LHCGR: variants seen among roughly 807,000 people sequenced by gnomAD.
The protein encoded by LHCGR is lutropin-choriogonadotropic hormone receptor.
LHCGR carries 55 observed loss-of-function variants against 60.7 expected under a neutral mutation model. The observed-to-expected ratio is 0.91, with a 90% CI of 0.73 to 1.13. The LOEUF is 1.13. LHCGR is among the 50% of genes most tolerant of loss of function. The pLI, the probability that LHCGR is intolerant of heterozygous loss-of-function variation, is 0.00. For synonymous variants in LHCGR, 337 were observed against 316.5 expected (o/e 1.06, Z -0.69); for missense variants, 862 against 836.0 (o/e 1.03, Z -0.38).
intron 10 of LHCGR, among the ~76,000 whole-genome samples, chr2:48,689,456 G>C (rs2104360869): frequency 6.6e-6 from 1 of 152,288 alleles, no homozygotes; most frequent in East Asian, 1.9e-4. Flanking sequence ...TGGTGGACTT[G>C]TTTGCACTTA....
chr2:48,712,240 C>T (rs1469485352), intron 7 of LHCGR, among the ~76,000 whole-genome samples: 1 of 152,058 alleles, frequency 6.6e-6, no homozygotes, highest in South Asian at 2.1e-4. Context: ...AGTTAGTAGT[C>T]AATGTGCAGT....
At chr2:48,746,451 C>G (rs1669709348) in intron 1 of LHCGR, among the ~76,000 whole-genome samples, 1 of 152,158 alleles carries the variant, frequency 6.6e-6, no homozygotes, top group South Asian at 2.1e-4. Context: ...TTAAATATTT[C>G]AACTCTAGAG....
intron 3 of LHCGR, among the ~76,000 whole-genome samples, chr2:48,726,248 C>T (rs1395037478): frequency 6.6e-6 from 1 of 152,180 alleles, no homozygotes; most frequent in Non-Finnish European, 1.5e-5. Context: ...AGGGCAAAAG[C>T]CAGAGGCTTG....
rs140148170 is a variant in LHCGR, at chr2:48,698,774, G to A, written c.707C>T (p.Ala236Val). The A allele has an allele frequency of 1.3e-4, 213 of 1,613,968 alleles. No individual in the cohort carries two copies. The highest frequency in any genetic ancestry group is 6.6e-4 in the Middle Eastern group (4 of 6,058). The part of the protein sequence containing the change: ...TLDISSTKLQ[A>V]LPSYGLESIQ... ...GGACTCTAGGCCATAGCTCGGCAGG[G>A]CCTGCAATTTGGTGGAAGAAATATC... Residue 236 changes from alanine (A) to valine (V), a missense_variant, in exon 9 of 11, where the codon GCC becomes GTC. Ala to Val is a moderately conservative substitution (Grantham distance 64, BLOSUM62 0). Coordinates refer to ENST00000294954, the MANE Select transcript of LHCGR (RefSeq NM_000233.4).
At chr2:48,692,460 G>A (rs983739407) in intron 10 of LHCGR, among the ~76,000 whole-genome samples, 3 of 152,252 alleles carry the variant, frequency 2.0e-5, no homozygotes, top group Middle Eastern at 3.4e-3. Flanking sequence ...TTTATCTTTG[G>A]ACTAAATGCC....
chr2:48,748,458 G>C lies in LHCGR; in HGVS notation c.161+7053C>G, dbSNP rs1308093778. 2.6e-5 allele frequency among the ~76,000 whole-genome samples: 4 copies of C among 152,170 alleles called. No homozygotes were observed. In the South Asian group the frequency reaches 8.3e-4, roughly 32 times the overall value. Reference sequence around the variant, plus strand: ...GGAGGTATGTGTCAGGGGCAGCTAAGTTTGGGCTGAAAAGGCCAGAAATTA... The same window carrying C: ...GGAGGTATGTGTCAGGGGCAGCTAACTTTGGGCTGAAAAGGCCAGAAATTA... On this transcript the variant is annotated intron_variant, in intron 1 of 10. Transcript: ENST00000294954.
At chr2:48,691,540 T>G (rs1666826926) in intron 10 of LHCGR, among the ~76,000 whole-genome samples, 1 of 152,138 alleles carries the variant, frequency 6.6e-6, no homozygotes, top group Admixed American at 6.6e-5. Context: ...GATCATAAAT[T>G]TCTTAGCATT....
At chr2:48,721,590 G>C in intron 6 of LHCGR, 1 of 416,558 alleles carries the variant, frequency 2.4e-6, no homozygotes, top group South Asian at 1.8e-5. Flanking sequence ...CAAAGTAAAA[G>C]TACTATACAA....
chr2:48,708,935 C>G lies in LHCGR; in HGVS notation c.680+13G>C. On this transcript the variant is annotated intron_variant, in intron 8 of 10. Transcript: ENST00000294954. Reference sequence around the variant, plus strand: ...CACTGGGCAGGGAGGGGAGGCAGCACCATTCTACTCACAAGGTTTTCGGCC... The same window carrying G: ...CACTGGGCAGGGAGGGGAGGCAGCAGCATTCTACTCACAAGGTTTTCGGCC... 2 of 1,610,698 alleles carry G rather than the reference C, an allele frequency of 1.2e-6. No individual in the cohort carries two copies. Among genetic ancestry groups the G allele is most frequent in the Admixed American group, 1.7e-5 (1 of 60,010 alleles).
At chr2:48,708,056 A>G (rs1031577736) in intron 8 of LHCGR, among the ~76,000 whole-genome samples, 2 of 152,160 alleles carry the variant, frequency 1.3e-5, no homozygotes, top group Admixed American at 1.3e-4. Context: ...AGTCCCAATG[A>G]GATGAACCAG....
intron 7 of LHCGR, among the ~76,000 whole-genome samples, chr2:48,711,872 T>G (rs1043616954): frequency 1.3e-5 from 2 of 152,196 alleles, no homozygotes; most frequent in Non-Finnish European, 2.9e-5. Flanking sequence ...CAGATGAACC[T>G]TCTTTAAGCA....
At chr2:48,744,549 C>A (rs1294524059) in intron 1 of LHCGR, among the ~76,000 whole-genome samples, 4 of 86,652 alleles carry the variant, frequency 4.6e-5, no homozygotes, top group Non-Finnish European at 6.8e-5. Flanking sequence ...CGCATATCTA[C>A]AACTATCTGA....
intron 10 of LHCGR, among the ~76,000 whole-genome samples, chr2:48,693,729 A>G (rs956645316): frequency 6.6e-6 from 1 of 152,238 alleles, no homozygotes; most frequent in African/African-American, 2.4e-5. Flanking sequence ...TAAAACAGAG[A>G]TGTAGCTTCC....
intron 10 of LHCGR, among the ~76,000 whole-genome samples, chr2:48,693,218 G>A (rs1046730926): frequency 4.6e-5 from 7 of 152,128 alleles, no homozygotes; most frequent in African/African-American, 1.7e-4. Context: ...TGCGAGAAAA[G>A]GAAAAGAAGA....
At chr2:48,747,978 A>G (rs1045719161) in intron 1 of LHCGR, among the ~76,000 whole-genome samples, 1 of 152,058 alleles carries the variant, frequency 6.6e-6, no homozygotes, top group Non-Finnish European at 1.5e-5. Flanking sequence ...GCCAGAACTG[A>G]GCTTAGGGGA....
At chr2:48,729,892 G>A (rs746424465) in intron 2 of LHCGR, among the ~76,000 whole-genome samples, 2 of 152,098 alleles carry the variant, frequency 1.3e-5, no homozygotes, top group Admixed American at 6.6e-5. Flanking sequence ...TTGGCACAGC[G>A]TTAAGAGTAC....
intron 1 of LHCGR, among the ~76,000 whole-genome samples, chr2:48,735,900 T>C (rs1315833336): frequency 1.3e-5 from 2 of 152,134 alleles, no homozygotes; most frequent in Non-Finnish European, 2.9e-5. Context: ...TGGAGGTGAT[T>C]GGATCAAGGG....
Position 48,687,759 on chromosome 2 carries a change from A to G in LHCGR, c.2038T>C (p.Leu680=), listed in dbSNP as rs1175258059. 6.2e-7 allele frequency: 1 copy of G among 1,614,182 alleles called. No homozygotes were observed. The highest frequency in any genetic ancestry group is 8.5e-7 in the Non-Finnish European group (1 of 1,180,016). Residue 680 remains leucine, a synonymous_variant, in exon 11 of 11, where the codon TTG becomes CTG. Coordinates refer to ENST00000294954, the MANE Select transcript of LHCGR (RefSeq NM_000233.4). ...SNKPSQSTLK[L]STLHCQGTAL... Reference sequence around the variant, plus strand: ...GTACCTTGACAGTGCAATGTGGACAACTTCAAGGTGGATTGAGAAGGCTTA... The same window carrying G: ...GTACCTTGACAGTGCAATGTGGACAGCTTCAAGGTGGATTGAGAAGGCTTA...
chr2:48,691,571 C>T (rs963745430), intron 10 of LHCGR, among the ~76,000 whole-genome samples: 6 of 152,096 alleles, frequency 3.9e-5, no homozygotes, highest in Admixed American at 6.6e-5. Flanking sequence ...TAAGGCCGGG[C>T]GCGGTGGCTC....
Sources: gnomAD v4.1 joint callset for allele counts (sites outside exome capture counted in the v4.1 genomes callset) on GRCh38, gnomAD v4.1.1 for gene constraint, MANE v1.5 for transcripts, NCBI Gene and HGNC (gene_info 2026-07-23, HGNC 2026-07-21) for gene names.